The following PTPRR variants were observed in gnomAD, a reference collection of about 807,000 sequenced individuals.
PTPRR encodes receptor-type tyrosine-protein phosphatase R.
In PTPRR, 38 loss-of-function variants were observed where a neutral mutation model predicts 77.2. That is an observed-to-expected ratio of 0.49 (90% CI 0.38 to 0.65). The LOEUF is 0.65. Ranked by LOEUF, PTPRR falls within the 30% of genes least tolerant of loss-of-function variation. PTPRR has a pLI of 0.00. For synonymous variants in PTPRR, 299 were observed against 283.1 expected (o/e 1.06, Z -0.57); for missense variants, 744 against 799.2 (o/e 0.93, Z 0.83).
chr12:70,913,241 A>G (rs1472469168), intron 1 of PTPRR, among the ~76,000 whole-genome samples: 1 of 152,190 alleles, frequency 6.6e-6, no homozygotes, highest in Non-Finnish European at 1.5e-5. Flanking sequence ...TTATGGTTCT[A>G]TAAAGACTGT....
chr12:70,659,315 C>T (rs1886709433), intron 12 of PTPRR, among the ~76,000 whole-genome samples: 2 of 152,162 alleles, frequency 1.3e-5, no homozygotes, highest in Admixed American at 6.6e-5. Context: ...TGCATTTTAC[C>T]AGCTACTTCT....
chr12:70,846,460 A>G (rs1298950789), intron 2 of PTPRR, among the ~76,000 whole-genome samples: 3 of 152,134 alleles, frequency 2.0e-5, no homozygotes, highest in African/African-American at 7.2e-5. Flanking sequence ...AAATGGTTAT[A>G]TTAGTTACGA....
chr12:70,733,152 G>A (rs1889721644), intron 6 of PTPRR, among the ~76,000 whole-genome samples: 1 of 151,954 alleles, frequency 6.6e-6, no homozygotes, highest in Non-Finnish European at 1.5e-5. Context: ...ATAAACAAAT[G>A]TATACACTAT....
intron 2 of PTPRR, among the ~76,000 whole-genome samples, chr12:70,827,831 C>T (rs1026729286): frequency 1.3e-5 from 2 of 150,188 alleles, no homozygotes; most frequent in African/African-American, 5.0e-5. Context: ...AGCAATTCTC[C>T]TGTCTCAGCC....
intron 2 of PTPRR, among the ~76,000 whole-genome samples, chr12:70,808,147 A>G (rs555611894): frequency 6.6e-6 from 1 of 152,164 alleles, no homozygotes; most frequent in South Asian, 2.1e-4. Flanking sequence ...ATAGGGATGA[A>G]ACACACCCTA....
At chr12:70,825,181 G>C (rs1892087770) in intron 2 of PTPRR, among the ~76,000 whole-genome samples, 1 of 152,044 alleles carries the variant, frequency 6.6e-6, no homozygotes, top group South Asian at 2.1e-4. Context: ...GGGAGGCTGA[G>C]GCAAGAGAAT....
intron 6 of PTPRR, among the ~76,000 whole-genome samples, chr12:70,737,539 G>C (rs1490827033): frequency 9.0e-6 from 1 of 111,632 alleles, no homozygotes; most frequent in South Asian, 3.1e-4. Flanking sequence ...TCTATCTTTC[G>C]AGACAAAGTC....
chr12:70,904,677 T>G (rs895595035), intron 1 of PTPRR, among the ~76,000 whole-genome samples: 13 of 152,040 alleles, frequency 8.6e-5, no homozygotes, highest in Non-Finnish European at 7.4e-5. Flanking sequence ...GTCAATAGGT[T>G]ATACTATGTT....
At chr12:70,670,436 C>T (rs1459373269) in intron 10 of PTPRR, among the ~76,000 whole-genome samples, 1 of 152,158 alleles carries the variant, frequency 6.6e-6, no homozygotes, top group Non-Finnish European at 1.5e-5. Flanking sequence ...TCTCTCTGAG[C>T]TTTGGTTTTC....
chr12:70,905,171 G>A (rs188877740), intron 1 of PTPRR, among the ~76,000 whole-genome samples: 1 of 151,806 alleles, frequency 6.6e-6, no homozygotes, highest in Admixed American at 6.6e-5. Context: ...AGAGGGGAGG[G>A]AGATTAGGGA....
intron 13 of PTPRR, among the ~76,000 whole-genome samples, chr12:70,642,949 T>A (rs12582142): frequency 6.6e-6 from 1 of 152,028 alleles, no homozygotes; most frequent in Admixed American, 6.6e-5. Context: ...AGTGGGAGGA[T>A]CACTTGAGCC....
At chr12:70,881,898 A>G (rs371215469) in intron 2 of PTPRR, among the ~76,000 whole-genome samples, 1 of 152,212 alleles carries the variant, frequency 6.6e-6, no homozygotes, top group Non-Finnish European at 1.5e-5. Context: ...AGCGTAAGGA[A>G]AGGATATTTT....
At chr12:70,720,621 C>T (rs1889216002) in intron 6 of PTPRR, among the ~76,000 whole-genome samples, 1 of 151,600 alleles carries the variant, frequency 6.6e-6, no homozygotes, top group Admixed American at 6.6e-5. Context: ...AAGCGATTCT[C>T]CTGCCTCAGT....
intron 10 of PTPRR, among the ~76,000 whole-genome samples, chr12:70,681,039 G>A (rs1216058810): frequency 6.6e-6 from 1 of 152,160 alleles, no homozygotes; most frequent in Non-Finnish European, 1.5e-5. Flanking sequence ...CATGGATGGG[G>A]CACTGGATCT....
intron 2 of PTPRR, among the ~76,000 whole-genome samples, chr12:70,858,674 A>G (rs1446538099): frequency 6.6e-6 from 1 of 151,844 alleles, no homozygotes; most frequent in Non-Finnish European, 1.5e-5. Flanking sequence ...TTTTCTTTTC[A>G]ATATCTTCAG....
chr12:70,646,944 T>TAA (rs543733158), intron 13 of PTPRR, among the ~76,000 whole-genome samples: 1 of 145,872 alleles, frequency 6.9e-6, no homozygotes, highest in South Asian at 2.2e-4. Flanking sequence ...TGGCTGTAGT[T>TAA]AAAAAAAAAA....
chr12:70,745,811 C>T lies in PTPRR; in HGVS notation c.1007+7G>A. 1 of 1,613,748 alleles carries T rather than the reference C, an allele frequency of 6.2e-7. No individual in the cohort carries two copies. The highest frequency in any genetic ancestry group is 8.5e-7 in the Non-Finnish European group (1 of 1,179,884). The stretch of plus-strand genomic sequence containing the variant: ...CCACACGTAGGGTATACAGAACAAG[C>T]TCTTACCTCTCTTGAAGTCCTATGG... On this transcript the variant is annotated splice_region_variant and intron_variant, in intron 6 of 13. Coordinates refer to ENST00000283228, the MANE Select transcript of PTPRR (RefSeq NM_002849.4).
intron 2 of PTPRR, among the ~76,000 whole-genome samples, chr12:70,830,262 T>C (rs1892188670): frequency 6.6e-6 from 1 of 152,180 alleles, no homozygotes; most frequent in Non-Finnish European, 1.5e-5. Context: ...TAAGAAATGA[T>C]CTCAAAGTCT....
At chr12:70,850,254 C>T (rs962869339) in intron 2 of PTPRR, among the ~76,000 whole-genome samples, 5 of 151,596 alleles carry the variant, frequency 3.3e-5, no homozygotes, top group Admixed American at 1.3e-4. Context: ...CCTAGCTACT[C>T]GGGAGGCTGA....
Sources: gnomAD v4.1 joint callset for allele counts (sites outside exome capture counted in the v4.1 genomes callset) on GRCh38, gnomAD v4.1.1 for gene constraint, MANE v1.5 for transcripts, NCBI Gene and HGNC (gene_info 2026-07-23, HGNC 2026-07-21) for gene names.